TBC1D12: variants seen among roughly 807,000 people sequenced by gnomAD.
The protein encoded by TBC1D12 is TBC1 domain family member 12.
In TBC1D12, 56 loss-of-function variants were observed where a neutral mutation model predicts 86.7. The ratio of observed to expected loss-of-function variants is 0.65; its 90% CI spans 0.52 to 0.81. The LOEUF (loss-of-function observed/expected upper bound fraction) is 0.81. TBC1D12 is among the 30% of genes least tolerant of loss of function. The pLI is 0.00. For missense variants in TBC1D12, 1,023 were observed against 1,038.8 expected, an observed-to-expected ratio of 0.98 and a Z score of 0.21; for synonymous variants, 421 against 411.7, an observed-to-expected ratio of 1.02 and a Z score of -0.27.
Position 94,453,253 on chromosome 10 carries a change from G to T in TBC1D12, c.1095+11234G>T, listed in dbSNP as rs77540957. On this transcript the variant is annotated intron_variant, in intron 2 of 12. Transcript: ENST00000225235. ...CACAGAGCAGAAGTTTTAAATTTCA[G>T]TGAACTCCAGCTGATCAATTATAGT... Among the ~76,000 whole-genome samples, 416 of 152,280 alleles carry T rather than the reference G, an allele frequency of 2.7e-3. 10 individuals are homozygous for T. In the East Asian group the frequency reaches 0.06, roughly 22 times the overall value.
chr10:94,486,855 G>A (rs2056170091), intron 3 of TBC1D12, among the ~76,000 whole-genome samples: 1 of 152,158 alleles, frequency 6.6e-6, no homozygotes, highest in Non-Finnish European at 1.5e-5. Context: ...TAAGTCCAAT[G>A]TTTCTTTGTT....
chr10:94,461,534 C>G (rs935577736), intron 2 of TBC1D12, among the ~76,000 whole-genome samples: 6 of 152,174 alleles, frequency 3.9e-5, no homozygotes, highest in African/African-American at 1.4e-4. Context: ...GTCTGAGGAC[C>G]TGGTAGAGTT....
At chr10:94,444,653 G>A (rs932713269) in intron 2 of TBC1D12, among the ~76,000 whole-genome samples, 1 of 151,432 alleles carries the variant, frequency 6.6e-6, no homozygotes, top group African/African-American at 2.4e-5. Flanking sequence ...TAAATTACTG[G>A]TTGGATAATT....
chr10:94,529,511 G>A (rs1025850787), intron 11 of TBC1D12, among the ~76,000 whole-genome samples: 40 of 151,248 alleles, frequency 2.6e-4, no homozygotes, highest in African/African-American at 8.1e-4. Context: ...ACAGCTACTC[G>A]GGAGGCTGAG....
At chr10:94,409,786 G>T (rs1293824331) in intron 1 of TBC1D12, among the ~76,000 whole-genome samples, 1 of 152,108 alleles carries the variant, frequency 6.6e-6, no homozygotes, top group Non-Finnish European at 1.5e-5. Context: ...TGGCCATAGA[G>T]ATTAATTTTT....
chr10:94,451,766 CAT>C (rs140531795), intron 2 of TBC1D12, among the ~76,000 whole-genome samples: 127 of 152,116 alleles, frequency 8.3e-4, no homozygotes, highest in African/African-American at 1.4e-3. Context: ...GATGTGAAAA[CAT>C]ATAATATTTG....
chr10:94,466,139 T>C (rs189797878), intron 2 of TBC1D12, among the ~76,000 whole-genome samples: 10 of 149,040 alleles, frequency 6.7e-5, no homozygotes, highest in Middle Eastern at 3.4e-3. Context: ...CTTAGTTTTG[T>C]AAGAACCTTA....
intron 3 of TBC1D12, among the ~76,000 whole-genome samples, chr10:94,482,268 T>C (rs1216799134): frequency 6.6e-6 from 1 of 152,208 alleles, no homozygotes; most frequent in African/African-American, 2.4e-5. Flanking sequence ...TTTGGTTTTC[T>C]GTTCCTGCAT....
chr10:94,492,165 T>C (rs2056253870), intron 3 of TBC1D12, among the ~76,000 whole-genome samples: 1 of 152,144 alleles, frequency 6.6e-6, no homozygotes, highest in Non-Finnish European at 1.5e-5. Flanking sequence ...TTAATCTCAA[T>C]TAAATTAAAC....
At chr10:94,508,102 T>C (rs1259457690) in intron 7 of TBC1D12, among the ~76,000 whole-genome samples, 1 of 152,228 alleles carries the variant, frequency 6.6e-6, no homozygotes, top group Non-Finnish European at 1.5e-5. Flanking sequence ...TGGATATGTA[T>C]AATTTGCATG....
intron 1 of TBC1D12, among the ~76,000 whole-genome samples, chr10:94,429,860 A>C (rs1049861561): frequency 7.9e-5 from 12 of 152,004 alleles, no homozygotes; most frequent in Admixed American, 3.3e-4. Context: ...CAGCCTGCCA[A>C]GTAGCTGGGG....
At chr10:94,437,981 T>A in intron 1 of TBC1D12, among the ~76,000 whole-genome samples, 1 of 137,842 alleles carries the variant, frequency 7.3e-6, no homozygotes, top group Non-Finnish European at 1.6e-5. Context: ...TCTTTTTCAA[T>A]CTCCTGGAGC....
intron 3 of TBC1D12, among the ~76,000 whole-genome samples, chr10:94,491,896 G>A (rs973742485): frequency 7.5e-6 from 1 of 133,094 alleles, no homozygotes; most frequent in Non-Finnish European, 1.7e-5. Flanking sequence ...GCAAAAAGGT[G>A]AAAGTTCTCA....
chr10:94,459,681 G>A (rs563659053), intron 2 of TBC1D12, among the ~76,000 whole-genome samples: 17 of 152,300 alleles, frequency 1.1e-4, no homozygotes, highest in Admixed American at 7.8e-4. Flanking sequence ...ATTTGAGTGC[G>A]GCACGGGCAG....
intron 1 of TBC1D12, among the ~76,000 whole-genome samples, chr10:94,408,441 G>T (rs986806422): frequency 6.6e-6 from 1 of 152,072 alleles, no homozygotes; most frequent in Non-Finnish European, 1.5e-5. Context: ...CTCTTTTAGT[G>T]ATTTCTTTTT....
At chr10:94,425,707 A>G (rs965285598) in intron 1 of TBC1D12, among the ~76,000 whole-genome samples, 32 of 152,082 alleles carry the variant, frequency 2.1e-4, no homozygotes, top group African/African-American at 7.0e-4. Flanking sequence ...TTCCATATTG[A>G]TTTTAGAATC....
chr10:94,465,455 G>T (rs1423624225), intron 2 of TBC1D12, among the ~76,000 whole-genome samples: 1 of 152,000 alleles, frequency 6.6e-6, no homozygotes, highest in Non-Finnish European at 1.5e-5. Context: ...AGCTCATCCT[G>T]GCTAACATGG....
At chr10:94,416,897 C>T (rs1336064255) in intron 1 of TBC1D12, among the ~76,000 whole-genome samples, 1 of 152,080 alleles carries the variant, frequency 6.6e-6, no homozygotes, top group Non-Finnish European at 1.5e-5. Flanking sequence ...TATAAAATAG[C>T]TCAGCACTTT....
At chr10:94,445,531 G>A (rs1184375005) in intron 2 of TBC1D12, among the ~76,000 whole-genome samples, 2 of 152,064 alleles carry the variant, frequency 1.3e-5, no homozygotes, top group Non-Finnish European at 1.5e-5. Flanking sequence ...TTTAGTTTTC[G>A]AACTTTCCAG....
Sources: allele counts gnomAD v4.1 joint callset (sites outside exome capture counted in the v4.1 genomes callset), GRCh38; gene constraint gnomAD v4.1.1; transcripts MANE v1.5; gene names NCBI Gene and HGNC (gene_info 2026-07-23, HGNC 2026-07-21).